Variants in CFAP20DC observed in about 807,000 individuals in gnomAD.
CFAP20DC encodes the protein CFAP20 domain containing, also known as protein CFAP20DC.
A neutral mutation model predicts 101.7 loss-of-function variants in CFAP20DC; 84 were observed. The observed-to-expected ratio is 0.83, with a 90% CI of 0.69 to 0.99. The LOEUF (loss-of-function observed/expected upper bound fraction) is 0.99. Among genes scored for constraint, CFAP20DC ranks in the 50% least tolerant of loss-of-function variants. CFAP20DC has a pLI of 0.00. For synonymous variants in CFAP20DC, 359 were observed against 351.2 expected (o/e 1.02, Z -0.25); for missense variants, 1,007 against 970.3 (o/e 1.04, Z -0.50).
rs1553703068 is a variant in CFAP20DC, at chr3:58,870,285, C to T, written c.740G>A (p.Ser247Asn). 2 of 1,614,006 alleles carry T rather than the reference C, an allele frequency of 1.2e-6. No homozygotes were observed. Among genetic ancestry groups the T allele is most frequent in the Non-Finnish European group, 1.7e-6 (2 of 1,179,878 alleles). The change falls in exon 8 of 17, where the codon AGT (serine) becomes AAT (asparagine). Residue 247 changes from serine to asparagine, a missense_variant. Physicochemically the swap from Ser to Asn is conservative, Grantham distance 46 (BLOSUM62 1). Coordinates refer to ENST00000482387, the MANE Select transcript of CFAP20DC (RefSeq NM_001394063.1). ...ESDQFINRGT[S>N]ITRNSKNQDV... ...TTGATTTTTACTGTTCCGTGTAATACTTGTTCCTCTGTTAATGAACTGATC... is the reference window on the plus strand; with the variant it reads ...TTGATTTTTACTGTTCCGTGTAATATTTGTTCCTCTGTTAATGAACTGATC...
chr3:58,762,235 T>C (rs2069695376), intron 15 of CFAP20DC, among the ~76,000 whole-genome samples: 1 of 152,160 alleles, frequency 6.6e-6, no homozygotes, highest in South Asian at 2.1e-4. Context: ...ATTGGGTGCA[T>C]ATATATTTAG....
In CFAP20DC at chr3:58,884,645, T is replaced by C. The variant is rs753732694; in HGVS notation, c.615A>G (p.Leu205=). 1 of 1,613,392 alleles carries C rather than the reference T, an allele frequency of 6.2e-7. No homozygotes were observed. ...PTDIIPRSCQ[L]MTDVPHVTQL... is the part of the protein sequence containing the mutation. ...GTGTGACATGTGGAACATCTGTCAT[T>C]AGTTGACAGCTTCGTGGTATAATAT... Residue 205 remains leucine (L), a synonymous_variant, in exon 7 of 17, where the codon CTA becomes CTG. Coordinates refer to ENST00000482387, the MANE Select transcript of CFAP20DC (RefSeq NM_001394063.1).
At chr3:58,783,159 G>A (rs2071994754) in intron 15 of CFAP20DC, among the ~76,000 whole-genome samples, 1 of 151,918 alleles carries the variant, frequency 6.6e-6, no homozygotes, top group South Asian at 2.1e-4. Flanking sequence ...CAACAAAGAT[G>A]CCAAGAACAT....
intron 12 of CFAP20DC, chr3:58,862,264 T>G (rs980002720): frequency 1.0e-6 from 1 of 985,132 alleles, no homozygotes. Flanking sequence ...TAAAATGAAC[T>G]GAATTAATCA....
chr3:58,915,112 G>T (rs1176420185), intron 5 of CFAP20DC, among the ~76,000 whole-genome samples: 1 of 152,096 alleles, frequency 6.6e-6, no homozygotes, highest in Admixed American at 6.6e-5. Context: ...GAGAAGTTCG[G>T]ACTAACCATG....
In CFAP20DC at chr3:58,818,101, G is replaced by A. The variant is rs565125357; in HGVS notation, c.2176-11645C>T. 3.3e-5 allele frequency among the ~76,000 whole-genome samples: 5 copies of A among 150,244 alleles called. 1 individual carries two copies. In the South Asian group the frequency reaches 1.1e-3, roughly 32 times the overall value. On this transcript the variant is annotated intron_variant, in intron 14 of 16. Coordinates refer to ENST00000482387, the MANE Select transcript of CFAP20DC (RefSeq NM_001394063.1). ...AGACAAGCAAATGCTGAGAGATTTT[G>A]TCACCACCAGGCCTGCCCTAAAAGA...
rs545400022 is a variant in CFAP20DC, at chr3:58,822,451, G to C, written c.2175+9235C>G. Among the ~76,000 whole-genome samples, 3 of 150,924 alleles carry C rather than the reference G, an allele frequency of 2.0e-5. No individual in the cohort carries two copies. In the East Asian group the frequency reaches 5.9e-4, roughly 30 times the overall value. On this transcript the variant is annotated intron_variant, in intron 14 of 16. Coordinates refer to ENST00000482387, the MANE Select transcript of CFAP20DC (RefSeq NM_001394063.1). ...GGGGACTGTTGTGGGGTGGTGGGAG[G>C]GGGAAGGGATAGCATCAGGAGATAT... is the stretch of plus-strand genomic sequence containing the variant.
chr3:58,983,408 T>C (rs1276721691), intron 4 of CFAP20DC, among the ~76,000 whole-genome samples: 1 of 152,182 alleles, frequency 6.6e-6, no homozygotes, highest in Non-Finnish European at 1.5e-5. Context: ...GTTTCCAATT[T>C]AACAAACAAA....
At chr3:58,848,993 G>A (rs1201471400) in intron 13 of CFAP20DC, 39 bp downstream of exon 13, 5 of 1,521,038 alleles carry the variant, frequency 3.3e-6, no homozygotes, top group Non-Finnish European at 4.4e-6. Flanking sequence ...ACAGCAGGAT[G>A]TATTGCCGGC....
Position 58,948,268 on chromosome 3 carries a change from C to T in CFAP20DC, c.279-10506G>A, listed in dbSNP as rs920907026. 1.1e-4 allele frequency among the ~76,000 whole-genome samples: 16 copies of T among 152,226 alleles called. 1 individual carries two copies. The highest frequency in any genetic ancestry group is 1.5e-5 in the Non-Finnish European group (1 of 68,044). ...TTGCTTATGCACTTCCCTTGGAAAGCCCCTTCTCTCTTTATTATGCCAACT... is the reference window on the plus strand; with the variant it reads ...TTGCTTATGCACTTCCCTTGGAAAGTCCCTTCTCTCTTTATTATGCCAACT... On this transcript the variant is annotated intron_variant, in intron 4 of 16. Transcript: ENST00000482387.
chr3:58,730,799 T>A (rs181912841), intron 3 of CFAP20DC, among the ~76,000 whole-genome samples: 1,992 of 152,254 alleles, frequency 0.013, 36 homozygotes, highest in African/African-American at 0.044. Context: ...TTTTTTTTTT[T>A]AAAGTAATTC....
chr3:59,021,927 C>T (rs2093810605), intron 4 of CFAP20DC, among the ~76,000 whole-genome samples: 1 of 152,020 alleles, frequency 6.6e-6, no homozygotes, highest in South Asian at 2.1e-4. Flanking sequence ...TATCTTTTTA[C>T]TTGAAATAAT....
At chr3:58,939,715 C>T (rs1357590148) in intron 4 of CFAP20DC, among the ~76,000 whole-genome samples, 2 of 150,908 alleles carry the variant, frequency 1.3e-5, no homozygotes, top group East Asian at 3.9e-4. Context: ...GCCTCGCCCT[C>T]CCAAAGTGCT....
intron 7 of CFAP20DC, among the ~76,000 whole-genome samples, chr3:58,881,544 A>G (rs2081230267): frequency 6.6e-6 from 1 of 152,190 alleles, no homozygotes; most frequent in Non-Finnish European, 1.5e-5. Flanking sequence ...GCTCTTGATC[A>G]AGTTATATGC....
chr3:58,829,124 G>C (rs2076229186), intron 14 of CFAP20DC, among the ~76,000 whole-genome samples: 1 of 152,024 alleles, frequency 6.6e-6, no homozygotes, highest in South Asian at 2.1e-4. Context: ...TTGAGGTCAG[G>C]AGTTTGAGAC....
chr3:58,922,933 A>G (rs1351778115), intron 5 of CFAP20DC, among the ~76,000 whole-genome samples: 1 of 152,156 alleles, frequency 6.6e-6, no homozygotes, highest in Non-Finnish European at 1.5e-5. Context: ...ATAAAAGTAT[A>G]TTACCATCTC....
chr3:58,838,931 C>G (rs989840844), intron 13 of CFAP20DC, among the ~76,000 whole-genome samples: 1 of 151,978 alleles, frequency 6.6e-6, no homozygotes, highest in Non-Finnish European at 1.5e-5. Flanking sequence ...GTACATAGGA[C>G]AAGTATAGTA....
chr3:58,766,463 A>G (rs1313769293), intron 15 of CFAP20DC, among the ~76,000 whole-genome samples: 1 of 152,160 alleles, frequency 6.6e-6, no homozygotes, highest in East Asian at 1.9e-4. Context: ...GGCTTGTGTC[A>G]TCTGTAGCAA....
At position 59,014,665 on chromosome 3, in the gene CFAP20DC, T is replaced by C. The variant is rs976503442; in HGVS notation, c.278+24892A>G. On this transcript the variant is annotated intron_variant, in intron 4 of 16. Coordinates refer to ENST00000482387, the MANE Select transcript of CFAP20DC (RefSeq NM_001394063.1). This position sits in a 1 kb window ranked among gnomAD's most constrained non-coding sequence, Gnocchi z 4.9. ...GTCTGTTAAGGAGTTAACAGACATC[T>C]GATGTTTGAAGTGAGAGTAATTTAT... is the stretch of plus-strand genomic sequence containing the variant. Among the ~76,000 whole-genome samples the C allele has an allele frequency of 1.3e-5, 2 of 152,182 alleles. No homozygotes were observed. Among genetic ancestry groups the C allele is most frequent in the Non-Finnish European group, 2.9e-5 (2 of 68,024 alleles).
Sources: gnomAD v4.1 joint callset for allele counts (sites outside exome capture counted in the v4.1 genomes callset) on GRCh38, gnomAD v4.1.1 for gene constraint, Gnocchi (gnomAD v3.1) non-coding constraint, MANE v1.5 for transcripts, NCBI Gene and HGNC (gene_info 2026-07-23, HGNC 2026-07-21) for gene names.